The following DLC1 variants were observed in gnomAD, a reference collection of about 807,000 sequenced individuals.
DLC1 encodes DLC1 Rho GTPase activating protein, also known as rho GTPase-activating protein 7.
A neutral mutation model predicts 140.3 loss-of-function variants in DLC1; 54 were observed. That is an observed-to-expected ratio of 0.38 (90% CI 0.31 to 0.48). DLC1 has a LOEUF of 0.48. DLC1 is among the 20% of genes least tolerant of loss of function. The pLI is 0.96. For synonymous variants in DLC1, 986 were observed against 728.1 expected (o/e 1.35, Z -5.70); for missense variants, 2,536 against 1,907.0 (o/e 1.33, Z -6.14).
chr8:13,114,681 TAAAA>T lies in DLC1; in HGVS notation c.1420+901_1420+904del, dbSNP rs565199913. 2.3e-3 allele frequency among the ~76,000 whole-genome samples: 345 copies of T among 152,196 alleles called. 2 individuals carry two copies. Among genetic ancestry groups the T allele is most frequent in the African/African-American group, 7.9e-3 (329 of 41,530 alleles). ...ACCAATGAAAGATTAGTATTTAGAA[TAAAA>T]AGAGCCCTTATAAATCATTAAGAGA... On this transcript the variant is annotated intron_variant, in intron 6 of 17. Coordinates refer to ENST00000276297, the MANE Select transcript of DLC1 (RefSeq NM_182643.3).
chr8:13,351,756 T>G (rs1195902363), intron 4 of DLC1, among the ~76,000 whole-genome samples: 1 of 152,180 alleles, frequency 6.6e-6, no homozygotes, highest in Non-Finnish European at 1.5e-5. Context: ...AAGTCCTGAT[T>G]AAGAAAAATA....
chr8:13,140,123 GTATGTCC>G (rs1221370839), intron 5 of DLC1, among the ~76,000 whole-genome samples: 1 of 152,078 alleles, frequency 6.6e-6, no homozygotes, highest in Non-Finnish European at 1.5e-5. Context: ...ACTATTTTAG[GTATGTCC>G]TATAGGCAGA....
intron 5 of DLC1, among the ~76,000 whole-genome samples, chr8:13,216,551 G>A (rs141580650): frequency 3.3e-5 from 5 of 152,194 alleles, no homozygotes; most frequent in Admixed American, 6.5e-5. Flanking sequence ...CCAGCAGAAC[G>A]TGCCAAGACT....
chr8:13,420,804 C>T (rs1165256032), intron 2 of DLC1, among the ~76,000 whole-genome samples: 2 of 152,050 alleles, frequency 1.3e-5, no homozygotes, highest in East Asian at 3.9e-4. Context: ...CATTTTTGAC[C>T]TTTATAGTGG....
At chr8:13,344,899 C>G (rs893083371) in intron 4 of DLC1, among the ~76,000 whole-genome samples, 4 of 152,074 alleles carry the variant, frequency 2.6e-5, no homozygotes, top group Admixed American at 2.6e-4. Flanking sequence ...CACTTTTAAC[C>G]TAATAAGTTT....
intron 5 of DLC1, among the ~76,000 whole-genome samples, chr8:13,181,841 G>C (rs1030964888): frequency 6.6e-6 from 1 of 151,952 alleles, no homozygotes; most frequent in Non-Finnish European, 1.5e-5. Flanking sequence ...TAATCCTTTG[G>C]GTATATACCC....
chr8:13,565,144 T>A (rs1424608197), intron 1 of DLC1, among the ~76,000 whole-genome samples: 1 of 152,194 alleles, frequency 6.6e-6, no homozygotes, highest in Non-Finnish European at 1.5e-5. Flanking sequence ...GTCCACTGGG[T>A]CACGCTGAAT....
Position 13,088,354 on chromosome 8 carries a change from T to A in DLC1, c.4292+133A>T, listed in dbSNP as rs1437334803. Reference sequence around the variant, plus strand: ...ACCTTGGCCTCCCAGAGTGCTGGGATTACAGGTGTGAGCCACCATATGCCC... The same window carrying A: ...ACCTTGGCCTCCCAGAGTGCTGGGAATACAGGTGTGAGCCACCATATGCCC... On this transcript the variant is annotated intron_variant, in intron 16 of 17. Coordinates refer to ENST00000276297, the MANE Select transcript of DLC1 (RefSeq NM_182643.3). The A allele has an allele frequency of 2.2e-5, 23 of 1,067,934 alleles. No individual in the cohort carries two copies. In the Admixed American group the frequency reaches 5.8e-4, roughly 27 times the overall value. 66.2% of individuals were successfully genotyped at this position (1,067,934 alleles called of 1,614,324 possible).
At chr8:13,559,255 C>T (rs1563440417) in intron 1 of DLC1, 2 of 152,252 alleles carry the variant, frequency 1.3e-5, no homozygotes, top group Non-Finnish European at 2.9e-5. Context: ...AAAGAATGAG[C>T]TATTCACTCA....
chr8:13,548,887 G>C (rs1265200569), intron 1 of DLC1, among the ~76,000 whole-genome samples: 1 of 151,822 alleles, frequency 6.6e-6, no homozygotes, highest in Non-Finnish European at 1.5e-5. Context: ...TACTGCTCTG[G>C]GCTCCAGAAA....
intron 4 of DLC1, among the ~76,000 whole-genome samples, chr8:13,361,197 A>C (rs1004045651): frequency 1.3e-5 from 2 of 152,064 alleles, no homozygotes; most frequent in Non-Finnish European, 2.9e-5. Flanking sequence ...ATACCACTGC[A>C]CTCCAGCCTG....
intron 1 of DLC1, chr8:13,567,230 A>T (rs1804473661): frequency 6.4e-7 from 1 of 1,551,460 alleles, no homozygotes; most frequent in Admixed American, 2.0e-5. Context: ...AAAAATTATG[A>T]AAAGAAGTTG....
At chr8:13,363,528 T>A (rs189652275) in intron 4 of DLC1, among the ~76,000 whole-genome samples, 20 of 152,254 alleles carry the variant, frequency 1.3e-4, no homozygotes, top group Admixed American at 1.2e-3. Context: ...TTCCAAAAGT[T>A]ATTGTTCTGT....
chr8:13,324,672 C>T (rs1467631292), intron 4 of DLC1, among the ~76,000 whole-genome samples: 1 of 151,878 alleles, frequency 6.6e-6, no homozygotes, highest in African/African-American at 2.4e-5. Flanking sequence ...AGCTCAGCTT[C>T]CAAATTCAAT....
At chr8:13,252,974 G>T (rs763048229) in intron 5 of DLC1, among the ~76,000 whole-genome samples, 11 of 152,188 alleles carry the variant, frequency 7.2e-5, no homozygotes, top group African/African-American at 2.4e-5. Context: ...AAAGTATCAT[G>T]TACCTTAAAA....
intron 1 of DLC1, among the ~76,000 whole-genome samples, chr8:13,574,098 T>A (rs1585290658): frequency 6.6e-6 from 1 of 152,314 alleles, no homozygotes; most frequent in East Asian, 1.9e-4. Flanking sequence ...CTGTAATCTG[T>A]CAGTGTTCTG....
At chr8:13,334,449 G>A (rs1833736362) in intron 4 of DLC1, among the ~76,000 whole-genome samples, 2 of 152,172 alleles carry the variant, frequency 1.3e-5, no homozygotes, top group South Asian at 2.1e-4. Context: ...AGTATCATAA[G>A]TGGATTAATA....
At chr8:13,389,356 T>C (rs907983966) in intron 4 of DLC1, among the ~76,000 whole-genome samples, 2 of 152,098 alleles carry the variant, frequency 1.3e-5, no homozygotes, top group Admixed American at 6.6e-5. Context: ...CAGTGTACTG[T>C]TGCACAGTGA....
At chr8:13,234,003 C>A (rs911244967) in intron 5 of DLC1, among the ~76,000 whole-genome samples, 12 of 152,158 alleles carry the variant, frequency 7.9e-5, no homozygotes, top group African/African-American at 2.6e-4. Flanking sequence ...TATCTTTTTT[C>A]TTTCTTCTTT....
Sources: allele counts gnomAD v4.1 joint callset (sites outside exome capture counted in the v4.1 genomes callset), GRCh38; gene constraint gnomAD v4.1.1; transcripts MANE v1.5; gene names NCBI Gene and HGNC (gene_info 2026-07-23, HGNC 2026-07-21).